Variants in UTP18 observed in about 807,000 individuals in gnomAD.
UTP18 encodes UTP18 small subunit processome component, also known as U3 small nucleolar RNA-associated protein 18 homolog.
UTP18 carries 36 observed loss-of-function variants against 61.1 expected under a neutral mutation model. The ratio of observed to expected loss-of-function variants is 0.59; its 90% confidence interval spans 0.45 to 0.78. UTP18 has a LOEUF of 0.78. Among genes scored for constraint, UTP18 ranks in the 30% least tolerant of loss-of-function variants. The pLI is 0.00. For missense variants in UTP18, 753 were observed against 693.9 expected (o/e 1.09, Z -0.96); for synonymous variants, 282 against 251.1 (o/e 1.12, Z -1.16).
chr17:51,267,359 A>G (rs2055571044), intron 3 of UTP18, among the ~76,000 whole-genome samples: 1 of 152,140 alleles, frequency 6.6e-6, no homozygotes, highest in Non-Finnish European at 1.5e-5. Flanking sequence ...TGAAATTCAC[A>G]TAACAGTGTT....
intron 5 of UTP18, among the ~76,000 whole-genome samples, chr17:51,274,356 T>C (rs1008877694): frequency 6.6e-5 from 10 of 152,232 alleles, no homozygotes; most frequent in African/African-American, 2.4e-4. Context: ...AGTACTTTAG[T>C]TAAATATCTG....
intron 13 of UTP18, among the ~76,000 whole-genome samples, 161 bp downstream of exon 13, chr17:51,297,164 C>CTGAAGTT (rs1905390008): frequency 1.3e-5 from 2 of 152,144 alleles, no homozygotes; most frequent in Admixed American, 1.3e-4. Context: ...AACTGTCTAG[C>CTGAAGTT]TGAAGTTGGA....
At chr17:51,261,899 A>C (rs1010197322) in intron 1 of UTP18, among the ~76,000 whole-genome samples, 13 of 152,070 alleles carry the variant, frequency 8.5e-5, no homozygotes, top group African/African-American at 2.7e-4. Context: ...GTACAGAACT[A>C]TTACTGGAAA....
In UTP18 at chr17:51,263,335, C is replaced by T; in HGVS notation, c.404C>T (p.Pro135Leu). 1.9e-6 allele frequency: 3 copies of T among 1,614,162 alleles called. No individual in the cohort carries two copies. Among genetic ancestry groups the T allele is most frequent in the Non-Finnish European group, 2.5e-6 (3 of 1,180,018 alleles). The change falls in exon 2 of 14, where the codon CCA becomes CTA. Residue 135 changes from proline to leucine, a missense_variant. By Grantham distance (98) the Pro-to-Leu change is moderately conservative (BLOSUM62 -3). Coordinates refer to ENST00000225298, the MANE Select transcript of UTP18 (RefSeq NM_016001.3). ...GAGAATGAAGCAAAAGGTAATTTTC[C>T]ACCTCAAAAGAAGCCAGTTTGGGTG... is the stretch of plus-strand genomic sequence containing the variant. ...EVENEAKGNF[P>L]PQKKPVWVDE...
chr17:51,294,087 C>T, intron 12 of UTP18, 42 bp downstream of exon 12: 5 of 1,489,420 alleles, frequency 3.4e-6, no homozygotes, highest in Non-Finnish European at 4.5e-6. Context: ...TACCTATAAA[C>T]TACTTCTGAC....
At chr17:51,284,220 A>G (rs1479667839) in intron 9 of UTP18, among the ~76,000 whole-genome samples, 3 of 152,196 alleles carry the variant, frequency 2.0e-5, no homozygotes, top group Non-Finnish European at 4.4e-5. Context: ...CATTGGGAGA[A>G]TAAGAGTACA....
At chr17:51,272,555 T>C (rs1904563372) in intron 4 of UTP18, among the ~76,000 whole-genome samples, 1 of 152,214 alleles carries the variant, frequency 6.6e-6, no homozygotes, top group Non-Finnish European at 1.5e-5. Flanking sequence ...TGAAAAATAA[T>C]GTAGATTAAT....
At chr17:51,278,574 T>A (rs1006536393) in intron 7 of UTP18, among the ~76,000 whole-genome samples, 1 of 152,166 alleles carries the variant, frequency 6.6e-6, no homozygotes, top group Non-Finnish European at 1.5e-5. Flanking sequence ...AGACATGGCA[T>A]TGATCTTTCC....
At chr17:51,274,729 G>A (rs1904658212) in intron 5 of UTP18, among the ~76,000 whole-genome samples, 1 of 151,964 alleles carries the variant, frequency 6.6e-6, no homozygotes. Flanking sequence ...GGGATTACAG[G>A]CGTGAGCCAC....
intron 11 of UTP18, chr17:51,288,661 T>G: frequency 2.2e-6 from 1 of 454,986 alleles, no homozygotes; most frequent in Non-Finnish European, 4.4e-6. Context: ...TACCTTTGAA[T>G]ATACCCTTTG....
intron 10 of UTP18, among the ~76,000 whole-genome samples, chr17:51,286,830 AT>A (rs201195787): frequency 0.037 from 5,654 of 152,068 alleles, 237 homozygotes; most frequent in African/African-American, 0.1. Flanking sequence ...TAGTTTTTAA[AT>A]TTTTTTTATT....
At position 51,292,396 on chromosome 17, in the gene UTP18, A is replaced by G. The variant is rs972737162; in HGVS notation, c.1504-1507A>G. ...AACCTGCCTTCTGGCAAAGTTGAAAATAATTGAATGTGGCTTGGAGATTCA... is the reference window on the plus strand; with the variant it reads ...AACCTGCCTTCTGGCAAAGTTGAAAGTAATTGAATGTGGCTTGGAGATTCA... On this transcript the variant is annotated intron_variant, in intron 11 of 13. Coordinates refer to ENST00000225298, the MANE Select transcript of UTP18 (RefSeq NM_016001.3). Among the ~76,000 whole-genome samples the G allele has an allele frequency of 7.2e-5, 11 of 152,362 alleles. No individual in the cohort carries two copies. The South Asian group carries it at 1.2e-3, about 17-fold the overall frequency.
At chr17:51,273,739 T>TAAATAAATA (rs71355749) in intron 5 of UTP18, among the ~76,000 whole-genome samples, 8 of 141,030 alleles carry the variant, frequency 5.7e-5, no homozygotes, top group African/African-American at 7.8e-5. Context: ...GTCTCTAAAA[T>TAAATAAATA]AATAAATAAA....
intron 4 of UTP18, among the ~76,000 whole-genome samples, chr17:51,271,878 G>A (rs1224235822): frequency 6.6e-6 from 1 of 151,938 alleles, no homozygotes; most frequent in East Asian, 1.9e-4. Context: ...ATTTTGGTCA[G>A]GCTGGTCTCG....
At chr17:51,286,100 T>A (rs907734707) in intron 10 of UTP18, among the ~76,000 whole-genome samples, 3 of 152,184 alleles carry the variant, frequency 2.0e-5, no homozygotes, top group African/African-American at 7.2e-5. Context: ...ATAAAAAACA[T>A]GTTCCTAGGA....
intron 1 of UTP18, among the ~76,000 whole-genome samples, chr17:51,261,702 C>T (rs1049247385): frequency 1.3e-5 from 2 of 151,888 alleles, no homozygotes; most frequent in South Asian, 4.2e-4. Context: ...GAAAAAAGGA[C>T]ATTCGGGAAA....
Position 51,260,578 on chromosome 17 carries a change from C to G in UTP18, c.-7C>G. Reference sequence around the variant, plus strand: ...GTGAGCGCCTGCGTTTCTCCTCAAACCTAACGATGCCGCCGGAGCGGAGGA... The same window carrying G: ...GTGAGCGCCTGCGTTTCTCCTCAAAGCTAACGATGCCGCCGGAGCGGAGGA... On this transcript the variant is annotated 5_prime_UTR_variant, in exon 1 of 14. Transcript: ENST00000225298. 1.2e-6 allele frequency: 2 copies of G among 1,611,254 alleles called. No homozygotes were observed. Among genetic ancestry groups the G allele is most frequent in the Non-Finnish European group, 1.7e-6 (2 of 1,179,254 alleles).
At chr17:51,290,062 A>T (rs1248125173) in intron 11 of UTP18, among the ~76,000 whole-genome samples, 1 of 152,130 alleles carries the variant, frequency 6.6e-6, no homozygotes, top group East Asian at 1.9e-4. Flanking sequence ...TATCATGTAG[A>T]GCAGTGTCAT....
At chr17:51,274,000 C>G (rs1904628430) in intron 5 of UTP18, among the ~76,000 whole-genome samples, 1 of 152,188 alleles carries the variant, frequency 6.6e-6, no homozygotes. Context: ...TTGAAAACTT[C>G]TGAATTCCTT....
Sources: allele counts gnomAD v4.1 joint callset (sites outside exome capture counted in the v4.1 genomes callset), GRCh38; gene constraint gnomAD v4.1.1; transcripts MANE v1.5; gene names NCBI Gene and HGNC (gene_info 2026-07-23, HGNC 2026-07-21).